The following RPS6KA2 variants were observed in gnomAD, a reference collection of about 807,000 sequenced individuals.
RPS6KA2 encodes the protein ribosomal protein S6 kinase alpha-2.
In RPS6KA2, 42 loss-of-function variants were observed where a neutral mutation model predicts 91.8. The ratio of observed to expected loss-of-function variants is 0.46; its 90% confidence interval spans 0.36 to 0.59. The LOEUF is 0.59. Among genes scored for constraint, RPS6KA2 ranks in the 20% least tolerant of loss-of-function variants. The probability of loss-of-function intolerance (pLI) is 0.00; values close to 1 mark genes in which losing one functional copy is unlikely to be tolerated. For synonymous variants in RPS6KA2, 414 were observed against 393.6 expected (o/e 1.05, Z -0.61); for missense variants, 798 against 978.5 (o/e 0.82, Z 2.46).
At position 166,780,491 on chromosome 6, in the gene RPS6KA2, T is replaced by C. The variant is rs1778740830; in HGVS notation, c.123+77709A>G. On this transcript the variant is annotated intron_variant, in intron 2 of 21. Coordinates refer to the RPS6KA2 transcript ENST00000503859. ...CCTGGGGCTTCTGGCCTCGGGACTGTGAGACGACCAACCTCTATTGTTTAA... is the reference window on the plus strand; with the variant it reads ...CCTGGGGCTTCTGGCCTCGGGACTGCGAGACGACCAACCTCTATTGTTTAA... 2.0e-5 allele frequency among the ~76,000 whole-genome samples: 3 copies of C among 152,092 alleles called. No individual in the cohort carries two copies. In the South Asian group the frequency reaches 6.2e-4, roughly 32 times the overall value.
intron 2 of RPS6KA2, among the ~76,000 whole-genome samples, chr6:166,716,661 G>T (rs1417910624): frequency 6.6e-6 from 1 of 152,152 alleles, no homozygotes; most frequent in Non-Finnish European, 1.5e-5. Context: ...GAAAAGGGGG[G>T]TTGTAATAAC....
rs561030391 is a variant in RPS6KA2, at chr6:166,723,934, A to AGGT, written c.123+134263_123+134265dup. ...AGGCTGGCCTCGAACTCCTGACCTCAGGTGATCCACTCTTCTCAGCCTCCC... is the reference window on the plus strand; with the variant it reads ...AGGCTGGCCTCGAACTCCTGACCTCAGGTGGTGATCCACTCTTCTCAGCCTCCC... On this transcript the variant is annotated intron_variant, in intron 2 of 21. Transcript: ENST00000503859. Among the ~76,000 whole-genome samples, 8 of 152,230 alleles carry AGGT rather than the reference A, an allele frequency of 5.3e-5. No individual in the cohort carries two copies. The East Asian group carries it at 1.5e-3, about 29-fold the overall frequency.
intron 2 of RPS6KA2, among the ~76,000 whole-genome samples, chr6:166,799,602 TTTTTAA>T (rs1444768460): frequency 1.2e-5 from 1 of 84,650 alleles, no homozygotes; most frequent in African/African-American, 4.3e-5. Context: ...GTTTTTTTTT[TTTTTAA>T]AAGGATGAGA....
chr6:166,505,365 C>T (rs572987471), intron 5 of RPS6KA2, among the ~76,000 whole-genome samples: 2 of 152,328 alleles, frequency 1.3e-5, no homozygotes, highest in South Asian at 4.1e-4. Context: ...CGGAGCCCAA[C>T]AGACTCCAAA....
chr6:166,435,495 C>T lies in RPS6KA2; in HGVS notation c.1333-3005G>A, dbSNP rs1322592120. Among the ~76,000 whole-genome samples the T allele has an allele frequency of 6.6e-6, 1 of 152,144 alleles. No homozygotes were observed. Among genetic ancestry groups the T allele is most frequent in the Non-Finnish European group, 1.5e-5 (1 of 68,022 alleles). The stretch of plus-strand genomic sequence containing the variant: ...AATCATGTAATTGCTTGGTGGAACC[C>T]CCAAAGCACCTCTGTCAACAACCAA... On this transcript the variant is annotated intron_variant, in intron 14 of 20. Coordinates refer to ENST00000265678, the MANE Select transcript of RPS6KA2 (RefSeq NM_021135.6). The surrounding 1 kb of genome is among the most constrained non-coding windows in gnomAD (Gnocchi z 4.3).
intron 2 of RPS6KA2, among the ~76,000 whole-genome samples, chr6:166,796,843 G>A (rs1262904124): frequency 1.3e-5 from 2 of 151,294 alleles, no homozygotes; most frequent in South Asian, 2.1e-4. Context: ...ACAGTCACAC[G>A]AGTCACTCGC....
chr6:166,584,052 T>C (rs763190159), intron 1 of RPS6KA2, among the ~76,000 whole-genome samples: 19 of 152,230 alleles, frequency 1.2e-4, no homozygotes, highest in Non-Finnish European at 2.1e-4. Flanking sequence ...AATGCCTTGG[T>C]GTGTTTTGCT....
chr6:166,770,718 TA>T lies in RPS6KA2; in HGVS notation c.123+87481del. 1.3e-6 allele frequency: 1 copy of T among 747,248 alleles called. No homozygotes were observed. Among genetic ancestry groups the T allele is most frequent in the Non-Finnish European group, 2.2e-6 (1 of 462,534 alleles). 46.3% of individuals were successfully genotyped at this position (747,248 alleles called of 1,614,324 possible). ...TTTCCTGTGGAGTGGTCCAGCCTTC[TA>T]AAAGCTCTTCGCACCTTGCCTTGCT... On this transcript the variant is annotated intron_variant, in intron 2 of 21. Coordinates refer to the RPS6KA2 transcript ENST00000503859. This position sits in a 1 kb window ranked among gnomAD's most constrained non-coding sequence, Gnocchi z 5.1.
In RPS6KA2 at chr6:166,605,724, C is replaced by T. The variant is rs115324334; in HGVS notation, c.99+21197G>A. The stretch of plus-strand genomic sequence containing the variant: ...ACACAAGCACAGATACACCTCCCTC[C>T]ACACATTCAACTGAGATCTTTCAAA... On this transcript the variant is annotated intron_variant, in intron 1 of 20. Coordinates refer to ENST00000265678, the MANE Select transcript of RPS6KA2 (RefSeq NM_021135.6). Among the ~76,000 whole-genome samples, 412 of 152,012 alleles carry T rather than the reference C, an allele frequency of 2.7e-3. 1 individual carries two copies. Among genetic ancestry groups the T allele is most frequent in the African/African-American group, 9.5e-3 (393 of 41,456 alleles).
At chr6:166,654,445 C>T (rs988429899) in intron 2 of RPS6KA2, among the ~76,000 whole-genome samples, 30 of 152,172 alleles carry the variant, frequency 2.0e-4, no homozygotes, top group African/African-American at 7.2e-4. Context: ...CTAGCAGATA[C>T]TTCACCCAAA....
At chr6:166,541,570 A>T (rs932429279) in intron 1 of RPS6KA2, among the ~76,000 whole-genome samples, 5 of 152,266 alleles carry the variant, frequency 3.3e-5, no homozygotes, top group Admixed American at 3.3e-4. Context: ...GCACCTCAGA[A>T]TTCCCATGGG....
rs193010979 is a variant in RPS6KA2, at chr6:166,750,381, C to T, written c.123+107819G>A. ...CCCGAGTCACCCCACGCAGTGCACG[C>T]ACATCTGTGACACACTCCTCCCACA... On this transcript the variant is annotated intron_variant, in intron 2 of 21. Transcript: ENST00000503859. Among the ~76,000 whole-genome samples, 149 of 152,146 alleles carry T rather than the reference C, an allele frequency of 9.8e-4. 1 individual carries two copies. The highest frequency in any genetic ancestry group is 2.6e-3 in the African/African-American group (110 of 41,562).
chr6:166,536,164 C>T (rs6905167), intron 2 of RPS6KA2, among the ~76,000 whole-genome samples: 7,752 of 152,332 alleles, frequency 0.051, 652 homozygotes, highest in African/African-American at 0.18. Flanking sequence ...TGACAGGCAA[C>T]TATGAGCCCT....
At chr6:166,755,673 G>T (rs753701646) in intron 2 of RPS6KA2, among the ~76,000 whole-genome samples, 1 of 152,048 alleles carries the variant, frequency 6.6e-6, no homozygotes, top group Non-Finnish European at 1.5e-5. Flanking sequence ...CTAAACAAAC[G>T]CACTTATGGA....
chr6:166,810,584 C>T (rs988874593), intron 2 of RPS6KA2, among the ~76,000 whole-genome samples: 6 of 152,186 alleles, frequency 3.9e-5, no homozygotes, highest in African/African-American at 1.4e-4. Context: ...GCATCACCTC[C>T]TATGATCAGG....
chr6:166,797,960 T>G (rs1779267001), intron 2 of RPS6KA2, among the ~76,000 whole-genome samples: 2 of 150,736 alleles, frequency 1.3e-5, no homozygotes, highest in African/African-American at 4.9e-5. Flanking sequence ...AAGGCAAGAG[T>G]GAAAAAAACC....
Position 166,547,787 on chromosome 6 carries a change from A to C in RPS6KA2, c.100-9003T>G, listed in dbSNP as rs139866240. 1.1e-3 allele frequency among the ~76,000 whole-genome samples: 163 copies of C among 152,388 alleles called. 1 individual carries two copies. The highest frequency in any genetic ancestry group is 3.8e-3 in the African/African-American group (156 of 41,596). ...GAAAGAGTAACTGAGTCCGTGTTTT[A>C]GAAAAAGAAATACCACTGTGAGTGG... On this transcript the variant is annotated intron_variant, in intron 1 of 20. Coordinates refer to ENST00000265678, the MANE Select transcript of RPS6KA2 (RefSeq NM_021135.6).
chr6:166,459,864 GCTT>G lies in RPS6KA2; in HGVS notation c.973-316_973-314del. Among the ~76,000 whole-genome samples, 1 of 152,326 alleles carries G rather than the reference GCTT, an allele frequency of 6.6e-6. No individual in the cohort carries two copies. Among genetic ancestry groups the G allele is most frequent in the African/African-American group, 2.4e-5 (1 of 41,564 alleles). The stretch of plus-strand genomic sequence containing the variant: ...TTCATTTTAGGGCAATAGTTTTCTA[GCTT>G]CTTCTTGGTAGTAGAATCTTCTTTT... On this transcript the variant is annotated intron_variant, in intron 11 of 20. Coordinates refer to ENST00000265678, the MANE Select transcript of RPS6KA2 (RefSeq NM_021135.6). This position sits in a 1 kb window ranked among gnomAD's most constrained non-coding sequence, Gnocchi z 4.9.
chr6:166,778,979 T>C (rs9459746), intron 2 of RPS6KA2, among the ~76,000 whole-genome samples: 32,793 of 152,186 alleles, frequency 0.22, 4,357 homozygotes, highest in African/African-American at 0.37. Context: ...AGTTTGTCGA[T>C]AGCAGATTAA....
Sources: gnomAD v4.1 joint callset for allele counts (sites outside exome capture counted in the v4.1 genomes callset) on GRCh38, gnomAD v4.1.1 for gene constraint, Gnocchi (gnomAD v3.1) non-coding constraint, MANE v1.5 for transcripts, NCBI Gene and HGNC (gene_info 2026-07-23, HGNC 2026-07-21) for gene names.